Variants in MAD1L1 observed in about 807,000 individuals in gnomAD.
MAD1L1 encodes the protein mitotic spindle assembly checkpoint protein MAD1.
A neutral mutation model predicts 96.9 loss-of-function variants in MAD1L1; 95 were observed. That is an observed-to-expected ratio of 0.98 (90% CI 0.83 to 1.16). The LOEUF is 1.16. Ranked by LOEUF, MAD1L1 falls within the 50% of genes most tolerant of loss-of-function variation. The pLI is 0.00. For synonymous variants in MAD1L1, 473 were observed against 396.6 expected (o/e 1.19, Z -2.29); for missense variants, 1,007 against 954.4 (o/e 1.06, Z -0.73).
intron 18 of MAD1L1, among the ~76,000 whole-genome samples, chr7:1,884,814 A>C (rs1785909206): frequency 6.6e-6 from 1 of 152,220 alleles, no homozygotes; most frequent in African/African-American, 2.4e-5. Context: ...AGCCTGAGCC[A>C]CAGCAGGGAG....
At chr7:1,893,930 G>C (rs1786710227) in intron 18 of MAD1L1, among the ~76,000 whole-genome samples, 1 of 152,202 alleles carries the variant, frequency 6.6e-6, no homozygotes, top group Admixed American at 6.5e-5. Flanking sequence ...GCCAACATGA[G>C]CCCTGGCCCT....
In MAD1L1 at chr7:1,980,408, G is replaced by A. The variant is rs1301787572; in HGVS notation, c.1505+45C>T. The A allele has an allele frequency of 1.3e-5, 19 of 1,507,002 alleles. No individual in the cohort carries two copies. The African/African-American group carries it at 2.9e-4, about 23-fold the overall frequency. The allele number at this position is 1,507,002 out of a possible 1,614,324, so 93.4% of individuals were successfully genotyped here. ...ACCTGGGCGTATCCGCCTCCTCTCT[G>A]GGGGACACACCTGGGCGTGTCCGCC... On this transcript the variant is annotated intron_variant, in intron 15 of 18. Transcript: ENST00000265854.
At chr7:2,007,250 G>A (rs571989306) in intron 13 of MAD1L1, among the ~76,000 whole-genome samples, 7 of 152,350 alleles carry the variant, frequency 4.6e-5, no homozygotes, top group East Asian at 1.9e-4. Flanking sequence ...CTGCTGCCCC[G>A]CTGGATCCAG....
At chr7:1,879,121 C>T (rs1785539509) in intron 18 of MAD1L1, among the ~76,000 whole-genome samples, 1 of 152,156 alleles carries the variant, frequency 6.6e-6, no homozygotes, top group African/African-American at 2.4e-5. Context: ...AAGGTAAAGA[C>T]CTATATAAAT....
At chr7:2,001,971 C>A in intron 14 of MAD1L1, 94 bp downstream of exon 14, 8 of 1,326,984 alleles carry the variant, frequency 6.0e-6, no homozygotes, top group Non-Finnish European at 8.6e-6. Flanking sequence ...CATGCACTGG[C>A]GCCTGCAGCC....
At chr7:1,947,340 A>G (rs1245429604) in intron 16 of MAD1L1, among the ~76,000 whole-genome samples, 1 of 152,250 alleles carries the variant, frequency 6.6e-6, no homozygotes, top group African/African-American at 2.4e-5. Flanking sequence ...CCGAGAGCAG[A>G]GAAAGCGCTG....
intron 18 of MAD1L1, among the ~76,000 whole-genome samples, chr7:1,881,421 A>C (rs1785675266): frequency 6.6e-6 from 1 of 152,244 alleles, no homozygotes; most frequent in South Asian, 2.1e-4. Flanking sequence ...CCAAACTAAT[A>C]ATCAATCTAC....
intron 10 of MAD1L1, among the ~76,000 whole-genome samples, chr7:2,155,231 C>T (rs746619457): frequency 6.6e-6 from 1 of 152,210 alleles, no homozygotes; most frequent in Non-Finnish European, 1.5e-5. Flanking sequence ...AAGAGGACAT[C>T]CTGAGGAAAC....
chr7:1,825,179 G>T (rs1201169871), intron 18 of MAD1L1, among the ~76,000 whole-genome samples: 2 of 152,200 alleles, frequency 1.3e-5, no homozygotes, highest in Non-Finnish European at 2.9e-5. Flanking sequence ...GAGCACACGG[G>T]TTCCCCACTG....
chr7:1,919,332 G>A (rs185725940), intron 17 of MAD1L1, among the ~76,000 whole-genome samples: 3 of 152,236 alleles, frequency 2.0e-5, no homozygotes. Flanking sequence ...ATGGACACAC[G>A]GTGTGTTGGA....
chr7:2,031,754 GC>G (rs373461404), intron 12 of MAD1L1, among the ~76,000 whole-genome samples: 18 of 152,370 alleles, frequency 1.2e-4, no homozygotes, highest in African/African-American at 4.1e-4. Context: ...CCTGACCCAC[GC>G]GGATATGGGG....
chr7:2,007,177 C>T (rs556251091), intron 13 of MAD1L1, among the ~76,000 whole-genome samples: 201 of 152,310 alleles, frequency 1.3e-3, no homozygotes, highest in African/African-American at 4.4e-3. Context: ...GGTGGAGAAG[C>T]ACGGGAAACG....
At chr7:2,047,860 C>A (rs1240401706) in intron 12 of MAD1L1, among the ~76,000 whole-genome samples, 4 of 152,210 alleles carry the variant, frequency 2.6e-5, no homozygotes, top group Admixed American at 2.0e-4. Context: ...CACACACGTG[C>A]ACTCACGTGC....
chr7:2,048,309 T>C lies in MAD1L1; in HGVS notation c.1218+20885A>G, dbSNP rs560802935. Among the ~76,000 whole-genome samples the C allele has an allele frequency of 1.4e-4, 21 of 152,348 alleles. No individual in the cohort carries two copies. The South Asian group carries it at 3.5e-3, about 26-fold the overall frequency. ...CTACCTGGGCTGCGAATCCTGCCTG[T>C]TCACCCAGGCAAGTTCCTTCATCTC... is the stretch of plus-strand genomic sequence containing the variant. On this transcript the variant is annotated intron_variant, in intron 12 of 18. Coordinates refer to ENST00000265854, the MANE Select transcript of MAD1L1 (RefSeq NM_001013836.2).
chr7:1,956,058 T>C (rs939934), intron 16 of MAD1L1, among the ~76,000 whole-genome samples: 129,326 of 150,114 alleles, frequency 0.86, 57,015 homozygotes, highest in Non-Finnish European at 0.96. Flanking sequence ...GGGCCTAGTA[T>C]ATCCTGTTTC....
intron 17 of MAD1L1, among the ~76,000 whole-genome samples, chr7:1,921,139 G>A (rs978823961): frequency 1.3e-5 from 2 of 152,182 alleles, no homozygotes; most frequent in East Asian, 1.9e-4. Context: ...AGGGAACCCC[G>A]GCACGCTGCG....
chr7:2,007,180 G>A (rs1782068735), intron 13 of MAD1L1, among the ~76,000 whole-genome samples: 3 of 152,212 alleles, frequency 2.0e-5, no homozygotes, highest in Admixed American at 2.0e-4. Flanking sequence ...GGAGAAGCAC[G>A]GGAAACGCTG....
chr7:2,117,421 G>T (rs1205448078), intron 11 of MAD1L1, among the ~76,000 whole-genome samples: 1 of 152,182 alleles, frequency 6.6e-6, no homozygotes, highest in Non-Finnish European at 1.5e-5. Context: ...TCACAAGGAG[G>T]AGGCATGATA....
chr7:1,927,196 C>T (rs537561229), intron 17 of MAD1L1, among the ~76,000 whole-genome samples: 4 of 151,666 alleles, frequency 2.6e-5, no homozygotes, highest in South Asian at 4.2e-4. Flanking sequence ...TGGGTGGGTA[C>T]GGTGAAAACC....
Sources: gnomAD v4.1 joint callset for allele counts (sites outside exome capture counted in the v4.1 genomes callset) on GRCh38, gnomAD v4.1.1 for gene constraint, MANE v1.5 for transcripts, NCBI Gene and HGNC (gene_info 2026-07-23, HGNC 2026-07-21) for gene names.